Variants in LRRC8B observed in about 807,000 individuals in gnomAD.
LRRC8B encodes the protein leucine rich repeat containing 8 VRAC subunit B.
A neutral mutation model predicts 58.8 loss-of-function variants in LRRC8B; 23 were observed. That is an observed-to-expected ratio of 0.39 (90% CI 0.28 to 0.55). LRRC8B has a LOEUF of 0.55. Ranked by LOEUF, LRRC8B falls within the 20% of genes least tolerant of loss-of-function variation. LRRC8B has a pLI of 0.62. For synonymous variants in LRRC8B, 359 were observed against 374.1 expected, an observed-to-expected ratio of 0.96 and a Z score of 0.47; for missense variants, 694 against 936.0, an observed-to-expected ratio of 0.74 and a Z score of 3.37.
In LRRC8B at chr1:89,597,221, C is replaced by A. The variant is rs533994292; in HGVS notation, c.*4178C>A. ...CTTTGGTAACAGGCTACATTCTCTT[C>A]AGATTTTTTATATGAATAATTTCAT... On this transcript the variant is annotated 3_prime_UTR_variant, in exon 6 of 6. Transcript: ENST00000330947. 2 of 152,276 alleles carry A rather than the reference C, an allele frequency of 1.3e-5. No homozygotes were observed. Among genetic ancestry groups the A allele is most frequent in the East Asian group, 3.9e-4 (2 of 5,186 alleles). 9.4% of individuals were successfully genotyped at this position (152,276 alleles called of 1,614,324 possible).
chr1:89,573,505 T>A (rs1395453549), intron 3 of LRRC8B, among the ~76,000 whole-genome samples: 11 of 152,258 alleles, frequency 7.2e-5, no homozygotes, highest in African/African-American at 2.4e-4. Context: ...ATTCATCAAA[T>A]TGTTTCCCAG....
At chr1:89,558,436 TAGAA>T (rs1321706193) in intron 1 of LRRC8B, among the ~76,000 whole-genome samples, 1 of 152,126 alleles carries the variant, frequency 6.6e-6, no homozygotes, top group East Asian at 1.9e-4. Context: ...TGACATGTTT[TAGAA>T]AGAGCTCTCT....
At chr1:89,530,276 G>A (rs766308282) in intron 1 of LRRC8B, among the ~76,000 whole-genome samples, 25 of 151,826 alleles carry the variant, frequency 1.6e-4, no homozygotes, top group Non-Finnish European at 3.1e-4. Flanking sequence ...GGAGAATGGC[G>A]TGAACCCGGG....
intron 1 of LRRC8B, among the ~76,000 whole-genome samples, chr1:89,532,473 G>A (rs12406707): frequency 0.18 from 26,908 of 152,156 alleles, 2,953 homozygotes; most frequent in Admixed American, 0.29. Flanking sequence ...GAGGGACTGG[G>A]TGGAGATAAT....
chr1:89,560,632 T>C (rs371043483), intron 1 of LRRC8B, among the ~76,000 whole-genome samples: 4 of 148,684 alleles, frequency 2.7e-5, no homozygotes, highest in South Asian at 2.2e-4. Context: ...TGAGAATATG[T>C]GGTGTTTGGT....
intron 3 of LRRC8B, among the ~76,000 whole-genome samples, chr1:89,573,484 A>G (rs1653619476): frequency 6.6e-6 from 1 of 152,020 alleles, no homozygotes; most frequent in Non-Finnish European, 1.5e-5. Flanking sequence ...GATTTTCCTA[A>G]TGTTTAGAGT....
chr1:89,545,447 G>A (rs1384765642), intron 1 of LRRC8B, among the ~76,000 whole-genome samples: 1 of 152,164 alleles, frequency 6.6e-6, no homozygotes, highest in Non-Finnish European at 1.5e-5. Context: ...AGAAGGGCAG[G>A]ACAAGAACCA....
rs1195438043 is a variant in LRRC8B, at chr1:89,596,947, C to G, written c.*3904C>G. 1 of 152,142 alleles carries G rather than the reference C, an allele frequency of 6.6e-6. No individual in the cohort carries two copies. Among genetic ancestry groups the G allele is most frequent in the Non-Finnish European group, 1.5e-5 (1 of 68,006 alleles). 9.4% of individuals were successfully genotyped at this position (152,142 alleles called of 1,614,324 possible). A position where few individuals can be genotyped will look rare whatever the true frequency, so the allele number is the denominator to read the frequency against. On this transcript the variant is annotated 3_prime_UTR_variant, in exon 6 of 6. Transcript: ENST00000330947. ...TGCATCAGAATCTGTTTATTTCTATCTGGAAACAGACAGAATGGTGGGGGA... is the reference window on the plus strand; with the variant it reads ...TGCATCAGAATCTGTTTATTTCTATGTGGAAACAGACAGAATGGTGGGGGA...
In LRRC8B at chr1:89,592,817, G is replaced by T; in HGVS notation, c.2186G>T (p.Cys729Phe). Reference protein sequence around the residue: ...DGLFQCKKLQCLLLGKNSLMN... With the variant: ...DGLFQCKKLQFLLLGKNSLMN... The stretch of plus-strand genomic sequence containing the variant: ...CTGTTTCAGTGCAAAAAGCTGCAGT[G>T]TTTACTTTTGGGGAAAAATAGCTTG... Residue 729 changes from cysteine to phenylalanine, a missense_variant, in exon 6 of 6, where the codon TGT becomes TTT. Physicochemically the swap from Cys to Phe is radical, Grantham distance 205 (BLOSUM62 -2). Around this residue, in one of 5 missense-constraint regions of LRRC8B, gnomAD observed 139 missense variants for 158.2 expected, o/e 0.88. Transcript: ENST00000330947. 6.2e-7 allele frequency: 1 copy of T among 1,613,912 alleles called. No individual in the cohort carries two copies. Among genetic ancestry groups the T allele is most frequent in the Non-Finnish European group, 8.5e-7 (1 of 1,179,988 alleles).
At position 89,584,605 on chromosome 1, in the gene LRRC8B, T is replaced by C. The variant is rs199833614; in HGVS notation, c.1955T>C (p.Ile652Thr). The C allele has an allele frequency of 2.0e-5, 32 of 1,614,038 alleles. No homozygotes were observed. Among genetic ancestry groups the C allele is most frequent in the Non-Finnish European group, 1.7e-6 (2 of 1,180,030 alleles). The part of the protein sequence containing the change: ...HNNIAYIPAQ[I>T]GALSNLEQLS... ...AACATTGCTTATATTCCTGCACAGATTGGGGCATTATCTAACCTAGAGCAG... is the reference window on the plus strand; with the variant it reads ...AACATTGCTTATATTCCTGCACAGACTGGGGCATTATCTAACCTAGAGCAG... Residue 652 changes from isoleucine to threonine, a missense_variant, in exon 5 of 6, where the codon ATT becomes ACT. By Grantham distance (89) the Ile-to-Thr change is moderately conservative. This residue lies in a region of LRRC8B where 53 missense variants were observed against 112.3 expected (regional missense o/e 0.47). Coordinates refer to ENST00000330947, the MANE Select transcript of LRRC8B (RefSeq NM_001369817.2).
intron 1 of LRRC8B, among the ~76,000 whole-genome samples, chr1:89,537,873 C>T (rs747073393): frequency 1.1e-4 from 17 of 152,200 alleles, no homozygotes; most frequent in Non-Finnish European, 2.2e-4. Context: ...AACTGGACCT[C>T]ACTGGTCACC....
intron 1 of LRRC8B, among the ~76,000 whole-genome samples, chr1:89,554,442 T>A (rs1652034328): frequency 6.6e-6 from 1 of 152,222 alleles, no homozygotes. Context: ...ATTTGTTTGA[T>A]CTTTCTTGTA....
intron 1 of LRRC8B, among the ~76,000 whole-genome samples, chr1:89,554,009 A>T (rs1199505059): frequency 6.6e-6 from 1 of 152,150 alleles, no homozygotes; most frequent in African/African-American, 2.4e-5. Context: ...AGATTTGAAT[A>T]TTCTAAAAGT....
intron 1 of LRRC8B, among the ~76,000 whole-genome samples, chr1:89,538,244 G>A (rs1570562872): frequency 6.6e-6 from 1 of 152,178 alleles, no homozygotes; most frequent in Non-Finnish European, 1.5e-5. Context: ...TATGAGCAAG[G>A]AGAACTCTGG....
chr1:89,563,635 T>C (rs1652842929), intron 1 of LRRC8B, among the ~76,000 whole-genome samples: 1 of 152,206 alleles, frequency 6.6e-6, no homozygotes, highest in Non-Finnish European at 1.5e-5. Context: ...TATAGGATCA[T>C]ACTTTAAAGG....
chr1:89,531,296 C>T (rs1650114744), intron 1 of LRRC8B, among the ~76,000 whole-genome samples: 1 of 152,062 alleles, frequency 6.6e-6, no homozygotes, highest in Admixed American at 6.5e-5. Flanking sequence ...ATAATAGCTT[C>T]ACAGGAAAAA....
In LRRC8B at chr1:89,583,253, C is replaced by T. The variant is rs116502828; in HGVS notation, c.603C>T (p.Ser201=). Residue 201 remains serine, a synonymous_variant, in exon 5 of 6, where the codon TCC becomes TCT. Transcript: ENST00000330947. The surrounding 1 kb of genome is among the most constrained non-coding windows in gnomAD (Gnocchi z 5.2). ...CAGGGTGTTCAGCTGACATAGATTC[C>T]GGCAAACAGTCATTGCCCTACCCAC... ...SSSGCSADID[S]GKQSLPYPQP... is the part of the protein sequence containing the mutation. 927 of 1,614,164 alleles carry T rather than the reference C, an allele frequency of 5.7e-4. 5 individuals carry two copies. The African/African-American group carries it at 9.0e-3, about 16-fold the overall frequency.
Position 89,568,490 on chromosome 1 carries a change from T to C in LRRC8B, c.-128T>C, listed in dbSNP as rs1256610299. 2.0e-5 allele frequency: 3 copies of C among 152,140 alleles called. No individual in the cohort carries two copies. Among genetic ancestry groups the C allele is most frequent in the Admixed American group, 6.6e-5 (1 of 15,258 alleles). The allele number at this position is 152,140 out of a possible 1,614,324, so 9.4% of individuals were successfully genotyped here. A position where few individuals can be genotyped will look rare whatever the true frequency, so the allele number is the denominator to read the frequency against. On this transcript the variant is annotated 5_prime_UTR_variant, in exon 3 of 6. Transcript: ENST00000330947. ...AGAGGTTCCAGTTGACCAGCATTCA[T>C]AGGGTAAGATTAACATCCTGAATTG... is the stretch of plus-strand genomic sequence containing the variant.
In LRRC8B at chr1:89,593,994, T is replaced by C. The variant is rs562362198; in HGVS notation, c.*951T>C. On this transcript the variant is annotated 3_prime_UTR_variant, in exon 6 of 6. Transcript: ENST00000330947. Reference sequence around the variant, plus strand: ...CTTTGCCTAGAACAGGAGCTGAGTATTTAAGATGTATTATCCTCGGGGCAT... The same window carrying C: ...CTTTGCCTAGAACAGGAGCTGAGTACTTAAGATGTATTATCCTCGGGGCAT... 6.6e-6 allele frequency: 1 copy of C among 152,336 alleles called. No homozygotes were observed. Among genetic ancestry groups the C allele is most frequent in the South Asian group, 2.1e-4 (1 of 4,824 alleles). 9.4% of individuals were successfully genotyped at this position (152,336 alleles called of 1,614,324 possible). A position where few individuals can be genotyped will look rare whatever the true frequency, so the allele number is the denominator to read the frequency against.
Sources: gnomAD v4.1 joint callset for allele counts (sites outside exome capture counted in the v4.1 genomes callset) on GRCh38, gnomAD v4.1.1 for gene constraint, gnomAD v4.1.1 regional missense constraint, Gnocchi (gnomAD v3.1) non-coding constraint, MANE v1.5 for transcripts, NCBI Gene and HGNC (gene_info 2026-07-23, HGNC 2026-07-21) for gene names.